KCNG1: variants seen among roughly 807,000 people sequenced by gnomAD.
The protein encoded by KCNG1 is voltage-gated potassium channel regulatory subunit KCNG1.
KCNG1 carries 17 observed loss-of-function variants against 32.4 expected under a neutral mutation model. That is an observed-to-expected ratio of 0.52 (90% CI 0.36 to 0.79). The LOEUF is 0.79. KCNG1 is among the 30% of genes least tolerant of loss of function. The pLI is 0.00. For missense variants in KCNG1, 441 were observed against 735.2 expected (o/e 0.60, Z 4.63); for synonymous variants, 358 against 339.9 (o/e 1.05, Z -0.59).
Position 51,004,478 on chromosome 20 carries a change from A to G in KCNG1, c.1103T>C (p.Leu368Pro). Residue 368 changes from leucine to proline, a missense_variant, in exon 3 of 3, where the codon CTC becomes CCC. This residue lies in a region of KCNG1 where 169 missense variants were observed against 297.7 expected (regional missense o/e 0.57). Transcript: ENST00000371571. This position sits in a 1 kb window ranked among gnomAD's most constrained non-coding sequence, Gnocchi z 4.3. Reference sequence around the variant, plus strand: ...CTCGCGGGTGCAGCGGCGGGCCGTGAGCCCCAGCGTCTGCAGCCCCAGGGA... The same window carrying G: ...CTCGCGGGTGCAGCGGCGGGCCGTGGGCCCCAGCGTCTGCAGCCCCAGGGA... ...RHSLGLQTLGLTARRCTREFG... is the reference protein window; with the variant it reads ...RHSLGLQTLGPTARRCTREFG... 1 of 1,597,788 alleles carries G rather than the reference A, an allele frequency of 6.3e-7. No homozygotes were observed. Among genetic ancestry groups the G allele is most frequent in the Non-Finnish European group, 8.5e-7 (1 of 1,172,734 alleles).
At chr20:51,019,561 A>G (rs1283668212) in intron 1 of KCNG1, among the ~76,000 whole-genome samples, 2 of 152,138 alleles carry the variant, frequency 1.3e-5, no homozygotes, top group African/African-American at 2.4e-5. Flanking sequence ...AAGCCACTAA[A>G]TGTGTGCAAG....
At chr20:51,016,268 C>T (rs1988277188) in intron 1 of KCNG1, among the ~76,000 whole-genome samples, 1 of 152,064 alleles carries the variant, frequency 6.6e-6, no homozygotes, top group African/African-American at 2.4e-5. Context: ...GCAACCCCAT[C>T]TCTACTAAAA....
In KCNG1 at chr20:51,010,000, G is replaced by A. The variant is rs764980541; in HGVS notation, c.339C>T (p.Asn113=). ...NVCDDYDVTC[N]EFFFDRNPGA... ...CCGGGTTGCGGTCGAAGAAGAACTC[G>A]TTGCAGGTGACGTCGTAGTCATCGC... The change falls in exon 2 of 3, where the codon AAC becomes AAT. Residue 113 remains asparagine, a synonymous_variant. Transcript: ENST00000371571. 17 of 1,614,096 alleles carry A rather than the reference G, an allele frequency of 1.1e-5. No homozygotes were observed. The highest frequency in any genetic ancestry group is 1.6e-4 in the Middle Eastern group (1 of 6,062).
chr20:51,016,829 C>A (rs558302827), intron 1 of KCNG1, among the ~76,000 whole-genome samples: 1 of 152,254 alleles, frequency 6.6e-6, no homozygotes, highest in Middle Eastern at 3.4e-3. Flanking sequence ...TCTTTTCTGA[C>A]CTGACCCACT....
chr20:51,012,285 C>A (rs1049186993), intron 1 of KCNG1: 6 of 152,228 alleles, frequency 3.9e-5, no homozygotes, highest in South Asian at 2.1e-4. Flanking sequence ...ATCCAGGAAG[C>A]CTTCCTTGGC....
In KCNG1 at chr20:51,005,391, G is replaced by A. The variant is rs1987790510; in HGVS notation, c.775-585C>T. Reference sequence around the variant, plus strand: ...TCCATTTTCCACACATAGCCAGAGGGATCCTGTTCCTCCTCTGCTTAGCAC... The same window carrying A: ...TCCATTTTCCACACATAGCCAGAGGAATCCTGTTCCTCCTCTGCTTAGCAC... On this transcript the variant is annotated intron_variant, in intron 2 of 2. Transcript: ENST00000371571. The surrounding 1 kb of genome is among the most constrained non-coding windows in gnomAD (Gnocchi z 4.0). 1 of 152,374 alleles carries A rather than the reference G, an allele frequency of 6.6e-6. No individual in the cohort carries two copies. The highest frequency in any genetic ancestry group is 1.5e-5 in the Non-Finnish European group (1 of 68,192). 9.4% of individuals were successfully genotyped at this position (152,374 alleles called of 1,614,324 possible). A position where few individuals can be genotyped will look rare whatever the true frequency, so the allele number is the denominator to read the frequency against.
At chr20:51,014,668 C>A (rs557135530) in intron 1 of KCNG1, among the ~76,000 whole-genome samples, 1 of 152,214 alleles carries the variant, frequency 6.6e-6, no homozygotes, top group Non-Finnish European at 1.5e-5. Flanking sequence ...CCTGTCCTCA[C>A]GGAGGTGACC....
At chr20:51,016,876 A>C (rs1988298557) in intron 1 of KCNG1, among the ~76,000 whole-genome samples, 1 of 152,156 alleles carries the variant, frequency 6.6e-6, no homozygotes, top group South Asian at 2.1e-4. Flanking sequence ...CCCCGGATCC[A>C]ATTGCTAGAG....
chr20:51,008,958 T>C (rs1987946846), intron 2 of KCNG1, among the ~76,000 whole-genome samples: 1 of 152,202 alleles, frequency 6.6e-6, no homozygotes, highest in Non-Finnish European at 1.5e-5. Context: ...CCGGCTCCCG[T>C]GAACTCCCAG....
At chr20:51,011,764 T>G (rs1988102866) in intron 1 of KCNG1, among the ~76,000 whole-genome samples, 1 of 152,348 alleles carries the variant, frequency 6.6e-6, no homozygotes, top group African/African-American at 2.4e-5. Context: ...ATGCAGTGCC[T>G]GGCACATAGT....
chr20:51,013,561 C>G (rs899841525), intron 1 of KCNG1, among the ~76,000 whole-genome samples: 5 of 152,066 alleles, frequency 3.3e-5, no homozygotes, highest in African/African-American at 1.2e-4. Flanking sequence ...TTAAAAGGGG[C>G]TCCTTCCTAA....
In KCNG1 at chr20:51,010,330, G is replaced by C. The variant is rs1455421950; in HGVS notation, c.9C>G (p.Leu3=). The C allele has an allele frequency of 2.6e-5, 39 of 1,503,700 alleles. No homozygotes were observed. Among genetic ancestry groups the C allele is most frequent in the Non-Finnish European group, 3.3e-5 (38 of 1,135,404 alleles). The allele number at this position is 1,503,700 out of a possible 1,614,324, so 93.1% of individuals were successfully genotyped here. ...CGTAGTCAGAATTGTCTCCCGGTAA[G>C]AGGGTCATTTTGGGCCTTCACATCC... MT[L]LPGDNSDYDY... The change falls in exon 2 of 3, where the codon CTC becomes CTG. Residue 3 remains leucine, a synonymous_variant. Coordinates refer to ENST00000371571, the MANE Select transcript of KCNG1 (RefSeq NM_002237.4).
Position 51,004,901 on chromosome 20 carries a change from C to T in KCNG1, c.775-95G>A, listed in dbSNP as rs867582861. Reference sequence around the variant, plus strand: ...CCTGTGCCCTGCTGGGCTTCCCAGGCGGAAGGTGACCTCTCCAGGTTGAGT... The same window carrying T: ...CCTGTGCCCTGCTGGGCTTCCCAGGTGGAAGGTGACCTCTCCAGGTTGAGT... On this transcript the variant is annotated intron_variant, in intron 2 of 2. Transcript: ENST00000371571. The surrounding 1 kb of genome is among the most constrained non-coding windows in gnomAD (Gnocchi z 4.3). 20 of 1,312,948 alleles carry T rather than the reference C, an allele frequency of 1.5e-5. No individual in the cohort carries two copies. Among genetic ancestry groups the T allele is most frequent in the Non-Finnish European group, 1.8e-5 (18 of 982,912 alleles). The allele number at this position is 1,312,948 out of a possible 1,614,324, so 81.3% of individuals were successfully genotyped here.
At position 51,003,814 on chromosome 20, in the gene KCNG1, C is replaced by A. The variant is rs1389605614; in HGVS notation, c.*225G>T. The A allele has an allele frequency of 1.8e-6, 1 of 552,434 alleles. No individual in the cohort carries two copies. Among genetic ancestry groups the A allele is most frequent in the African/African-American group, 1.9e-5 (1 of 52,968 alleles). The allele number at this position is 552,434 out of a possible 1,614,324, so 34.2% of individuals were successfully genotyped here. On this transcript the variant is annotated 3_prime_UTR_variant, in exon 3 of 3. Transcript: ENST00000371571. ...GGGGTGGGCGGGGCTGGGCTGATGA[C>A]CCAGCTTCCTTTCACGGCTGCAGGC...
intron 1 of KCNG1, among the ~76,000 whole-genome samples, chr20:51,021,838 G>A (rs968232917): frequency 1.3e-5 from 2 of 152,182 alleles, no homozygotes; most frequent in Non-Finnish European, 2.9e-5. Context: ...TGTCGGATCA[G>A]TGTTTCTCAA....
In KCNG1 at chr20:51,004,974, CTAAG is replaced by C; in HGVS notation, c.775-172_775-169del. The C allele has an allele frequency of 8.1e-6, 5 of 618,402 alleles. No individual in the cohort carries two copies. Among genetic ancestry groups the C allele is most frequent in the South Asian group, 7.1e-5 (3 of 42,056 alleles). 38.3% of individuals were successfully genotyped at this position (618,402 alleles called of 1,614,324 possible). On this transcript the variant is annotated intron_variant, in intron 2 of 2. Coordinates refer to ENST00000371571, the MANE Select transcript of KCNG1 (RefSeq NM_002237.4). The surrounding 1 kb of genome is among the most constrained non-coding windows in gnomAD (Gnocchi z 4.3). The stretch of plus-strand genomic sequence containing the variant: ...TGTGCCCACTCCGAGGCCTGGGGCA[CTAAG>C]CACCATCTCTACACTGGCCGCTCCT...
chr20:51,010,590 G>T (rs1988045422), intron 1 of KCNG1, among the ~76,000 whole-genome samples: 1 of 152,172 alleles, frequency 6.6e-6, no homozygotes, highest in Non-Finnish European at 1.5e-5. Flanking sequence ...TGGGATTCGT[G>T]TTCTTATAAG....
rs1472979684 is a variant in KCNG1 at position 51,009,704 on chromosome 20, C to G, written c.635G>C (p.Arg212Pro). 6.2e-7 allele frequency: 1 copy of G among 1,604,192 alleles called. No individual in the cohort carries two copies. The highest frequency in any genetic ancestry group is 8.5e-7 in the Non-Finnish European group (1 of 1,178,206). Residue 212 changes from arginine to proline, a missense_variant, in exon 2 of 3, where the codon CGA becomes CCA. By Grantham distance (103) the Arg-to-Pro change is moderately radical. Around this residue, in one of 6 missense-constraint regions of KCNG1, gnomAD observed 169 missense variants for 297.7 expected, o/e 0.57. Transcript: ENST00000371571. Reference sequence around the variant, plus strand: ...CGGCCTCTCCACCATGTCGCGCAGTCGCCGCATGCAGCGCCCCAGGCGGCC... The same window carrying G: ...CGGCCTCTCCACCATGTCGCGCAGTGGCCGCATGCAGCGCCCCAGGCGGCC... Reference protein sequence around the residue: ...GEGRLGRCMRRLRDMVERPHS... With the variant: ...GEGRLGRCMRPLRDMVERPHS...
chr20:51,004,924 A>G lies in KCNG1; in HGVS notation c.775-118T>C. The G allele has an allele frequency of 1.8e-6, 2 of 1,090,060 alleles. No individual in the cohort carries two copies. The highest frequency in any genetic ancestry group is 2.5e-6 in the Non-Finnish European group (2 of 785,566). The allele number at this position is 1,090,060 out of a possible 1,614,324, so 67.5% of individuals were successfully genotyped here. A position where few individuals can be genotyped will look rare whatever the true frequency, so the allele number is the denominator to read the frequency against. On this transcript the variant is annotated intron_variant, in intron 2 of 2. Coordinates refer to ENST00000371571, the MANE Select transcript of KCNG1 (RefSeq NM_002237.4). The surrounding 1 kb of genome is among the most constrained non-coding windows in gnomAD (Gnocchi z 4.3). ...GGCGGAAGGTGACCTCTCCAGGTTGAGTGGCCCCGGGTCCTCTCCCTAGTT... is the reference window on the plus strand; with the variant it reads ...GGCGGAAGGTGACCTCTCCAGGTTGGGTGGCCCCGGGTCCTCTCCCTAGTT...
Sources: gnomAD v4.1 joint callset for allele counts (sites outside exome capture counted in the v4.1 genomes callset) on GRCh38, gnomAD v4.1.1 for gene constraint, gnomAD v4.1.1 regional missense constraint, Gnocchi (gnomAD v3.1) non-coding constraint, MANE v1.5 for transcripts, NCBI Gene and HGNC (gene_info 2026-07-23, HGNC 2026-07-21) for gene names.